The following MACF1 variants were observed in gnomAD, a reference collection of about 807,000 sequenced individuals.
The protein encoded by MACF1 is microtubule-actin cross-linking factor 1.
In MACF1, 193 loss-of-function variants were observed where a neutral mutation model predicts 854.8. That is an observed-to-expected ratio of 0.23 (90% confidence interval 0.20 to 0.25). MACF1 has a LOEUF of 0.25. MACF1 is among the 10% of genes least tolerant of loss of function. The pLI, the probability that MACF1 is intolerant of heterozygous loss-of-function variation, is 1.00. For missense variants in MACF1, 7,722 were observed against 8,929.1 expected (o/e 0.86, Z 5.45); for synonymous variants, 3,185 against 3,226.7 (o/e 0.99, Z 0.44).
At chr1:39,484,237 C>A (rs1645066181) in intron 99 of MACF1, among the ~76,000 whole-genome samples, 1 of 152,216 alleles carries the variant, frequency 6.6e-6, no homozygotes, top group Admixed American at 6.5e-5. Context: ...AAATTTTTAA[C>A]CCCAAAATCT....
chr1:39,172,871 T>G (rs548558930), intron 2 of MACF1, among the ~76,000 whole-genome samples: 1 of 152,356 alleles, frequency 6.6e-6, no homozygotes, highest in African/African-American at 2.4e-5. Flanking sequence ...CCAGATATAC[T>G]TGGGTTAGTG....
chr1:39,333,574 T>A lies in MACF1; in HGVS notation c.6986T>A (p.Leu2329Gln). Residue 2329 changes from leucine to glutamine, a missense_variant, in exon 37 of 101, where the codon CTG (leucine) becomes CAG (glutamine). By Grantham distance (113) the Leu-to-Gln change is moderately radical. Transcript: ENST00000564288. ...SHTAVKLMEK[L>Q]NMFQGFFDSQ... ...ACTGCCGTGAAGCTTATGGAGAAGC[T>A]GAACATGTTTCAGGGGTTCTTTGAC... 8.1e-6 allele frequency: 13 copies of A among 1,614,240 alleles called. No homozygotes were observed. The highest frequency in any genetic ancestry group is 1.1e-5 in the Non-Finnish European group (13 of 1,180,032).
chr1:39,186,009 G>A (rs575615255), intron 2 of MACF1, among the ~76,000 whole-genome samples: 35 of 152,106 alleles, frequency 2.3e-4, no homozygotes, highest in East Asian at 1.9e-4. Context: ...CCCAAGACTC[G>A]TACCTGCCAC....
chr1:39,387,114 G>A (rs774585629), intron 57 of MACF1, 73 bp from the exon 58 acceptor site: 263 of 1,518,372 alleles, frequency 1.7e-4, no homozygotes, highest in Admixed American at 2.9e-4. Context: ...AGATTAGACC[G>A]TATACTCTCA....
In MACF1 at chr1:39,440,970, A is replaced by G. The variant is rs1240749244; in HGVS notation, c.18448-33A>G. 3.7e-6 allele frequency: 6 copies of G among 1,613,202 alleles called. No homozygotes were observed. The East Asian group carries it at 6.7e-5, about 18-fold the overall frequency. On this transcript the variant is annotated intron_variant, in intron 72 of 100. Transcript: ENST00000564288. ...TTTGGTAAGTTCTGTTCTGTTTTCT[A>G]TTTTGGCTTATATTCTATTCGTTTA...
chr1:39,112,073 CT>C (rs1184406096), intron 2 of MACF1, among the ~76,000 whole-genome samples: 1 of 149,922 alleles, frequency 6.7e-6, no homozygotes, highest in Non-Finnish European at 1.5e-5. Flanking sequence ...CTCTCCCTTC[CT>C]GATTATTCAA....
intron 58 of MACF1, among the ~76,000 whole-genome samples, chr1:39,390,156 A>G (rs943329955): frequency 6.6e-6 from 1 of 152,210 alleles, no homozygotes; most frequent in Non-Finnish European, 1.5e-5. Context: ...GCCACTGTAC[A>G]TGGAATAGAT....
At position 39,485,070 on chromosome 1, in the gene MACF1, C is replaced by T. The variant is rs139226102; in HGVS notation, c.22411+340C>T. 1,633 of 373,682 alleles carry T rather than the reference C, an allele frequency of 4.4e-3. 9 individuals carry two copies. The highest frequency in any genetic ancestry group is 5.7e-3 in the Non-Finnish European group (1,174 of 206,000). The allele number at this position is 373,682 out of a possible 1,614,324, so 23.1% of individuals were successfully genotyped here. The stretch of plus-strand genomic sequence containing the variant: ...CAGCTTGCTAGTAATTTTTCCAACA[C>T]GTCATACTTACTATGGCTGCTGTTG... On this transcript the variant is annotated intron_variant, in intron 100 of 100. Coordinates refer to ENST00000564288, the MANE Select transcript of MACF1 (RefSeq NM_001394062.1).
chr1:39,331,248 A>G lies in MACF1; in HGVS notation c.4660A>G (p.Ile1554Val). 6.3e-7 allele frequency: 1 copy of G among 1,592,576 alleles called. No individual in the cohort carries two copies. The change falls in exon 37 of 101, where the codon ATA becomes GTA. Residue 1554 changes from isoleucine to valine, a missense_variant. By Grantham distance (29) the Ile-to-Val change is conservative. Coordinates refer to ENST00000564288, the MANE Select transcript of MACF1 (RefSeq NM_001394062.1). ...AGVIDLGTVE[I>V]FPIFKAMQKG... Reference sequence around the variant, plus strand: ...GGTGATTGACCTAGGCACAGTGGAGATATTTCCCATCTTCAAAGCCATGCA... The same window carrying G: ...GGTGATTGACCTAGGCACAGTGGAGGTATTTCCCATCTTCAAAGCCATGCA...
intron 2 of MACF1, among the ~76,000 whole-genome samples, chr1:39,196,925 A>G (rs1335440345): frequency 1.3e-5 from 2 of 152,350 alleles, no homozygotes; most frequent in African/African-American, 2.4e-5. Context: ...AGGCAGATCT[A>G]AAATCTTAAT....
intron 1 of MACF1, among the ~76,000 whole-genome samples, chr1:39,224,586 A>G (rs138683291): frequency 2.2e-3 from 336 of 152,300 alleles, no homozygotes; most frequent in African/African-American, 7.5e-3. Context: ...GTCACATAGA[A>G]TAAATAGGAG....
chr1:39,364,561 C>T (rs984488730), intron 49 of MACF1, among the ~76,000 whole-genome samples: 2 of 151,238 alleles, frequency 1.3e-5, no homozygotes, highest in Non-Finnish European at 2.9e-5. Context: ...GGCGCGATCT[C>T]GGCTCACTGC....
intron 6 of MACF1, among the ~76,000 whole-genome samples, chr1:39,270,651 G>A (rs1397689610): frequency 6.6e-6 from 1 of 152,138 alleles, no homozygotes; most frequent in Non-Finnish European, 1.5e-5. Flanking sequence ...AACTTTTACT[G>A]GGATGTTGGC....
At chr1:39,437,660 A>T (rs1417515677) in intron 70 of MACF1, 117 bp from the exon 71 acceptor site, 3 of 908,640 alleles carry the variant, frequency 3.3e-6, no homozygotes, top group Non-Finnish European at 5.4e-6. Flanking sequence ...ATTGGGCTAA[A>T]CTGAGCACAG....
At chr1:39,234,858 A>T (rs71518421) in intron 2 of MACF1, among the ~76,000 whole-genome samples, 5 of 29,664 alleles carry the variant, frequency 1.7e-4, no homozygotes, top group Middle Eastern at 0.019. Context: ...TGCTCCTCAC[A>T]TCCCAGACGG....
chr1:39,132,267 C>T (rs904323692), intron 2 of MACF1, among the ~76,000 whole-genome samples: 3 of 152,176 alleles, frequency 2.0e-5, no homozygotes, highest in Non-Finnish European at 4.4e-5. Context: ...CCAGTCACAA[C>T]CTCAGGTTGG....
At chr1:39,361,728 G>T (rs1569703981) in intron 49 of MACF1, 51 bp downstream of exon 49, 2 of 1,572,864 alleles carry the variant, frequency 1.3e-6, no homozygotes, top group East Asian at 2.2e-5. Context: ...GAAGGGCAGG[G>T]AGAGAACCAG....
Position 39,297,693 on chromosome 1 carries a change from G to T in MACF1, c.2429G>T (p.Cys810Phe), listed in dbSNP as rs148207245. ...LQDSIKRKYS[C>F]DHNTSLSRLE... ...GATTCCATTAAACGAAAATATTCCT[G>T]TGACCACAACACCAGCTTATCCCGC... is the stretch of plus-strand genomic sequence containing the variant. The change falls in exon 21 of 101, where the codon TGT (cysteine) becomes TTT (phenylalanine). Residue 810 changes from cysteine to phenylalanine, a missense_variant. By Grantham distance (205) the Cys-to-Phe change is radical. This residue lies in a region of MACF1 where 1,137 missense variants were observed against 1,263.0 expected (regional missense o/e 0.90). Coordinates refer to ENST00000564288, the MANE Select transcript of MACF1 (RefSeq NM_001394062.1). 12,264 of 1,614,104 alleles carry T rather than the reference G, an allele frequency of 7.6e-3. 69 individuals are homozygous for T. Among genetic ancestry groups the T allele is most frequent in the Non-Finnish European group, 9.3e-3 (10,956 of 1,180,016 alleles).
rs1210618809 is a variant in MACF1 at position 39,254,373 on chromosome 1, C to A, written c.433C>A (p.Gln145Lys). 7 of 1,613,980 alleles carry A rather than the reference C, an allele frequency of 4.3e-6. No homozygotes were observed. Among genetic ancestry groups the A allele is most frequent in the Non-Finnish European group, 5.9e-6 (7 of 1,179,872 alleles). Reference sequence around the variant, plus strand: ...TGCCCTGGACTTCCTAAAGCAGCGACAGGTAAGACCATCACATGCCTTCCC... The same window carrying A: ...TGCCCTGGACTTCCTAAAGCAGCGAAAGGTAAGACCATCACATGCCTTCCC... Reference protein sequence around the residue: ...QIALDFLKQRQVKLVNIRNDD... With the variant: ...QIALDFLKQRKVKLVNIRNDD... The change falls in exon 5 of 101, where the codon CAG becomes AAG. Residue 145 changes from glutamine to lysine, a missense_variant and splice_region_variant. Gln to Lys is a moderately conservative substitution (Grantham distance 53). Transcript: ENST00000564288.
Sources: gnomAD v4.1 joint callset for allele counts (sites outside exome capture counted in the v4.1 genomes callset) on GRCh38, gnomAD v4.1.1 for gene constraint, gnomAD v4.1.1 regional missense constraint, MANE v1.5 for transcripts, NCBI Gene and HGNC (gene_info 2026-07-23, HGNC 2026-07-21) for gene names.